PRKG2: variants seen among roughly 807,000 people sequenced by gnomAD.
PRKG2 encodes cGMP-dependent protein kinase 2.
PRKG2 carries 33 observed loss-of-function variants against 97.2 expected under a neutral mutation model. The observed-to-expected ratio is 0.34, with a 90% confidence interval of 0.26 to 0.45. PRKG2 has a LOEUF of 0.45. PRKG2 is among the 20% of genes least tolerant of loss of function. PRKG2 has a pLI of 1.00. For missense variants in PRKG2, 638 were observed against 900.0 expected, an observed-to-expected ratio of 0.71 and a Z score of 3.73; for synonymous variants, 330 against 321.8, an observed-to-expected ratio of 1.03 and a Z score of -0.27.
At chr4:81,191,907 T>C (rs1465193055) in intron 2 of PRKG2, among the ~76,000 whole-genome samples, 1 of 152,162 alleles carries the variant, frequency 6.6e-6, no homozygotes, top group African/African-American at 2.4e-5. Context: ...TTAATCATTT[T>C]GGAAAGTTAT....
intron 5 of PRKG2, 115 bp downstream of exon 5, chr4:81,169,548 G>A (rs1750277268): frequency 1.3e-6 from 1 of 759,878 alleles, no homozygotes; most frequent in African/African-American, 1.8e-5. Flanking sequence ...GTTTAGTCAT[G>A]TGGAAAATGC....
intron 2 of PRKG2, among the ~76,000 whole-genome samples, chr4:81,177,657 G>A (rs532523419): frequency 1.6e-4 from 24 of 152,108 alleles, no homozygotes; most frequent in East Asian, 5.8e-4. Flanking sequence ...CCGAGCTCGC[G>A]CCACTGCACT....
intron 17 of PRKG2, among the ~76,000 whole-genome samples, chr4:81,093,669 T>C (rs981041634): frequency 1.3e-5 from 2 of 152,218 alleles, no homozygotes; most frequent in African/African-American, 4.8e-5. Context: ...AAAAGTATTT[T>C]ACAGTAATCT....
At chr4:81,132,669 A>C (rs1443772336) in intron 14 of PRKG2, among the ~76,000 whole-genome samples, 1 of 152,150 alleles carries the variant, frequency 6.6e-6, no homozygotes, top group African/African-American at 2.4e-5. Flanking sequence ...ATTATGATTA[A>C]TCTTATCAAG....
chr4:81,183,242 C>T (rs1049376232), intron 2 of PRKG2, among the ~76,000 whole-genome samples: 5 of 152,142 alleles, frequency 3.3e-5, no homozygotes, highest in Non-Finnish European at 5.9e-5. Context: ...CAGCTTCCAG[C>T]GAGATCAATG....
At position 81,087,809 on chromosome 4, in the gene PRKG2, T is replaced by C. The variant is rs1226674966; in HGVS notation, c.*1899A>G. 6.6e-6 allele frequency: 1 copy of C among 152,134 alleles called. No homozygotes were observed. The highest frequency in any genetic ancestry group is 1.5e-5 in the Non-Finnish European group (1 of 67,992). 9.4% of individuals were successfully genotyped at this position (152,134 alleles called of 1,614,324 possible). A position where few individuals can be genotyped will look rare whatever the true frequency, so the allele number is the denominator to read the frequency against. ...AAAAATCACATGGGAGGATAACACATTGACATGGTCAATCACAGGAAAAAT... is the reference window on the plus strand; with the variant it reads ...AAAAATCACATGGGAGGATAACACACTGACATGGTCAATCACAGGAAAAAT... On this transcript the variant is annotated 3_prime_UTR_variant, in exon 19 of 19. Transcript: ENST00000264399.
chr4:81,112,538 T>G (rs1744093953), intron 14 of PRKG2, among the ~76,000 whole-genome samples: 1 of 152,232 alleles, frequency 6.6e-6, no homozygotes, highest in Admixed American at 6.5e-5. Flanking sequence ...ACCAGCTATT[T>G]AGGAGAATTT....
At position 81,167,209 on chromosome 4, in the gene PRKG2, C is replaced by A. The variant is rs144720151; in HGVS notation, c.864G>T (p.Lys288Asn). Residue 288 changes from lysine to asparagine, a missense_variant, in exon 6 of 19, where the codon AAG becomes AAT. Physicochemically the swap from Lys to Asn is moderately conservative, Grantham distance 94 (BLOSUM62 0). Transcript: ENST00000264399. ...RNFLRSVSLL[K>N]NLPEDKLTKI... ...TGGTTAATTTATCTTCAGGTAAATT[C>A]TTCAGCAAGGATACACTTCAAAATT... The A allele has an allele frequency of 9.5e-5, 151 of 1,592,180 alleles. No homozygotes were observed. Among genetic ancestry groups the A allele is most frequent in the Admixed American group, 1.3e-4 (7 of 55,804 alleles).
intron 2 of PRKG2, among the ~76,000 whole-genome samples, chr4:81,200,217 A>T (rs1247491655): frequency 6.6e-6 from 1 of 152,222 alleles, no homozygotes; most frequent in African/African-American, 2.4e-5. Flanking sequence ...CAGAAATGCT[A>T]TGTGAGCTCT....
At chr4:81,203,436 G>A (rs1578521849) in intron 2 of PRKG2, among the ~76,000 whole-genome samples, 1 of 152,044 alleles carries the variant, frequency 6.6e-6, no homozygotes, top group East Asian at 1.9e-4. Context: ...TAATTCTGTT[G>A]TTAAAATTGA....
At chr4:81,143,292 C>A (rs566055180) in intron 10 of PRKG2, among the ~76,000 whole-genome samples, 2 of 151,858 alleles carry the variant, frequency 1.3e-5, no homozygotes, top group African/African-American at 4.8e-5. Context: ...ATATATACCT[C>A]AAAAAAGCTG....
chr4:81,138,483 C>G (rs116116353), intron 12 of PRKG2, among the ~76,000 whole-genome samples: 1 of 151,998 alleles, frequency 6.6e-6, no homozygotes, highest in African/African-American at 2.4e-5. Flanking sequence ...CAACTTCTGT[C>G]TTCTCATTGT....
intron 2 of PRKG2, among the ~76,000 whole-genome samples, chr4:81,200,362 T>G (rs1204855626): frequency 6.6e-6 from 1 of 152,148 alleles, no homozygotes; most frequent in African/African-American, 2.4e-5. Flanking sequence ...CGCAATGTCC[T>G]TTTCTCACAG....
chr4:81,161,607 G>A (rs1749596487), intron 6 of PRKG2, among the ~76,000 whole-genome samples: 1 of 152,100 alleles, frequency 6.6e-6, no homozygotes, highest in South Asian at 2.1e-4. Flanking sequence ...TGCAGGATAA[G>A]ATCCCATTTC....
chr4:81,170,846 G>C (rs1241267560), intron 4 of PRKG2, among the ~76,000 whole-genome samples: 1 of 151,988 alleles, frequency 6.6e-6, no homozygotes, highest in Non-Finnish European at 1.5e-5. Flanking sequence ...AATATGGTCA[G>C]AACCTCGTTG....
intron 2 of PRKG2, among the ~76,000 whole-genome samples, chr4:81,178,603 T>A (rs1751132794): frequency 1.3e-5 from 2 of 150,666 alleles, no homozygotes; most frequent in South Asian, 2.1e-4. Flanking sequence ...TGCAATCCGA[T>A]AAAATGCAGC....
intron 1 of PRKG2, among the ~76,000 whole-genome samples, chr4:81,209,420 A>G (rs1753853591): frequency 6.6e-6 from 1 of 152,132 alleles, no homozygotes; most frequent in Admixed American, 6.5e-5. Context: ...CTACATGTAT[A>G]TCTGTCAATA....
intron 1 of PRKG2, among the ~76,000 whole-genome samples, chr4:81,212,582 G>A (rs1204301906): frequency 1.3e-5 from 2 of 152,128 alleles, no homozygotes. Flanking sequence ...TTTAATTTTG[G>A]ATATACTCAG....
chr4:81,203,498 T>C (rs1465754858), intron 2 of PRKG2, among the ~76,000 whole-genome samples: 1 of 152,230 alleles, frequency 6.6e-6, no homozygotes, highest in Non-Finnish European at 1.5e-5. Context: ...ATACTTACAT[T>C]TGTGAATGTT....
Sources: allele counts gnomAD v4.1 joint callset (sites outside exome capture counted in the v4.1 genomes callset), GRCh38; gene constraint gnomAD v4.1.1; transcripts MANE v1.5; gene names NCBI Gene and HGNC (gene_info 2026-07-23, HGNC 2026-07-21).